The following DCT variants were observed in gnomAD, a reference collection of about 807,000 sequenced individuals.
The protein encoded by DCT is L-dopachrome tautomerase.
A neutral mutation model predicts 53.0 loss-of-function variants in DCT; 47 were observed. That is an observed-to-expected ratio of 0.89 (90% CI 0.70 to 1.13). The LOEUF (loss-of-function observed/expected upper bound fraction) is 1.13. Ranked by LOEUF, DCT falls within the 50% of genes most tolerant of loss-of-function variation. The probability of loss-of-function intolerance (pLI) is 0.00; values close to 1 mark genes in which losing one functional copy is unlikely to be tolerated. For synonymous variants in DCT, 244 were observed against 237.0 expected (o/e 1.03, Z -0.27); for missense variants, 669 against 637.4 (o/e 1.05, Z -0.53).
chr13:94,466,541 G>T lies in DCT; in HGVS notation c.696+17C>A, dbSNP rs1408732239. 3.3e-6 allele frequency: 5 copies of T among 1,528,942 alleles called. No homozygotes were observed. Among genetic ancestry groups the T allele is most frequent in the Non-Finnish European group, 4.5e-6 (5 of 1,123,526 alleles). The allele number at this position is 1,528,942 out of a possible 1,614,324, so 94.7% of individuals were successfully genotyped here. On this transcript the variant is annotated intron_variant, in intron 3 of 7. Coordinates refer to ENST00000377028, the MANE Select transcript of DCT (RefSeq NM_001922.5). ...TTTTAAAAAATTAAAAGAACTAAAT[G>T]CATAGTTTTGACCTACCTGGAGATC...
At chr13:94,481,057 C>A (rs1885421047), upstream of DCT, among the ~76,000 whole-genome samples, 1 of 152,328 alleles carries the variant, frequency 6.6e-6, no homozygotes, top group African/African-American at 2.4e-5. Context: ...AAGCTTCTGG[C>A]AGCTGCTGTC....
chr13:94,472,642 C>T lies in DCT; in HGVS notation c.296-3597G>A, dbSNP rs376457698. Among the ~76,000 whole-genome samples the T allele has an allele frequency of 1.1e-3, 142 of 124,850 alleles. 1 individual carries two copies. The highest frequency in any genetic ancestry group is 3.8e-3 in the African/African-American group (121 of 31,848). 81.9% of individuals were successfully genotyped at this position (124,850 alleles called of 152,430 possible). On this transcript the variant is annotated intron_variant, in intron 1 of 7. Transcript: ENST00000377028. ...TGTCACCCAGGCTGGAGTGCAGTGA[C>T]GTGATCTCAGCTCCCTGCAACAACC...
chr13:94,441,552 G>T (rs901769568), intron 7 of DCT, among the ~76,000 whole-genome samples: 18 of 152,044 alleles, frequency 1.2e-4, no homozygotes, highest in Admixed American at 1.1e-3. Flanking sequence ...GTAACCAGGG[G>T]TCTCTATGAA....
chr13:94,547,086 C>T, the DCT span, among the ~76,000 whole-genome samples: 2 of 151,466 alleles, frequency 1.3e-5, no homozygotes, highest in Non-Finnish European at 2.9e-5. Flanking sequence ...AGCCCTCTTC[C>T]AAGTGTACTT....
chr13:94,515,312 T>C, the DCT span, among the ~76,000 whole-genome samples: 1 of 152,196 alleles, frequency 6.6e-6, no homozygotes, highest in Non-Finnish European at 1.5e-5. Flanking sequence ...ACTGCTGCAA[T>C]AACCCAAGTA....
chr13:94,495,746 C>A, the DCT span, among the ~76,000 whole-genome samples: 1 of 152,268 alleles, frequency 6.6e-6, no homozygotes, highest in East Asian at 1.9e-4. Context: ...GATGTACTAT[C>A]TCAAAGGGAG....
the DCT span, among the ~76,000 whole-genome samples, chr13:94,521,869 T>C: frequency 6.6e-6 from 1 of 152,188 alleles, no homozygotes; most frequent in African/African-American, 2.4e-5. Flanking sequence ...TGCATTATTA[T>C]AAAAAGAAGC....
At chr13:94,470,259 G>C (rs908554421) in intron 1 of DCT, among the ~76,000 whole-genome samples, 1 of 152,200 alleles carries the variant, frequency 6.6e-6, no homozygotes, top group African/African-American at 2.4e-5. Flanking sequence ...TCCTCAGGGT[G>C]AATCAGTAGC....
chr13:94,528,819 A>AT, the DCT span, among the ~76,000 whole-genome samples: 61,266 of 151,164 alleles, frequency 0.41, 13,077 homozygotes, highest in East Asian at 0.62. Flanking sequence ...AATGGGCTAA[A>AT]GCCCCAATTA....
At chr13:94,465,920 T>G (rs145878399) in intron 3 of DCT, 121 bp from the exon 4 acceptor site, 1 of 421,450 alleles carries the variant, frequency 2.4e-6, no homozygotes, top group East Asian at 4.8e-5. Flanking sequence ...GACTACTGGA[T>G]GGATAAATGA....
intron 1 of DCT, among the ~76,000 whole-genome samples, chr13:94,472,515 TAC>T (rs1288676724): frequency 1.6e-4 from 8 of 50,616 alleles, no homozygotes; most frequent in African/African-American, 3.3e-4. Flanking sequence ...AATATATACA[TAC>T]ATACATATAT....
intron 1 of DCT, among the ~76,000 whole-genome samples, chr13:94,472,453 C>T (rs969528480): frequency 7.5e-6 from 1 of 133,560 alleles, no homozygotes; most frequent in African/African-American, 2.9e-5. Flanking sequence ...TTATAAAAAA[C>T]AAGCACATTA....
At chr13:94,468,431 A>C (rs1884373646) in intron 2 of DCT, 2 of 241,438 alleles carry the variant, frequency 8.3e-6, no homozygotes, top group Non-Finnish European at 1.6e-5. Context: ...TTCTTCTGAA[A>C]TCAAAAGGAA....
At chr13:94,472,539 TATATATATATATATATATATATATA>T (rs1884741368) in intron 1 of DCT, among the ~76,000 whole-genome samples, 2 of 25,732 alleles carry the variant, frequency 7.8e-5, no homozygotes, top group African/African-American at 3.7e-4. Flanking sequence ...TATATATATA[TATATATATATATATATATATATATA>T]TATATTTTTT....
At chr13:94,452,273 C>T (rs963975842) in intron 6 of DCT, among the ~76,000 whole-genome samples, 5 of 152,088 alleles carry the variant, frequency 3.3e-5, no homozygotes, top group Non-Finnish European at 4.4e-5. Context: ...CCTCAGGTAA[C>T]CCACCCACCT....
At chr13:94,446,488 TAGTG>T (rs562274557) in intron 6 of DCT, among the ~76,000 whole-genome samples, 165 of 152,328 alleles carry the variant, frequency 1.1e-3, no homozygotes, top group African/African-American at 3.1e-3. Context: ...ATAAGTAAAT[TAGTG>T]AGTATTTATT....
chr13:94,460,933 A>G (rs1016610673), intron 5 of DCT, among the ~76,000 whole-genome samples: 1 of 152,202 alleles, frequency 6.6e-6, no homozygotes, highest in Non-Finnish European at 1.5e-5. Flanking sequence ...CTGTGTTTAA[A>G]GTAGACAATT....
At position 94,465,644 on chromosome 13, in the gene DCT, A is replaced by T. The variant is rs1884127837; in HGVS notation, c.852T>A (p.Thr284=). The T allele has an allele frequency of 3.1e-6, 5 of 1,613,390 alleles. No homozygotes were observed. Among genetic ancestry groups the T allele is most frequent in the East Asian group, 2.2e-5 (1 of 44,764 alleles). ...SRNSRFSSWE[T]VCDSLDDYNH... is the part of the protein sequence containing the mutation. Reference sequence around the variant, plus strand: ...ACAGGAGCCATTACCTATCACAGACAGTTTCCCAGCTGGAGAATCTTGAGT... The same window carrying T: ...ACAGGAGCCATTACCTATCACAGACTGTTTCCCAGCTGGAGAATCTTGAGT... The change falls in exon 4 of 8, where the codon ACT becomes ACA. Residue 284 remains threonine, a synonymous_variant. Coordinates refer to ENST00000377028, the MANE Select transcript of DCT (RefSeq NM_001922.5).
At chr13:94,496,490 G>A in the DCT span, among the ~76,000 whole-genome samples, 6 of 151,968 alleles carry the variant, frequency 3.9e-5, no homozygotes, top group African/African-American at 9.7e-5. Context: ...CACCGCACCC[G>A]GCCGGATTCT....
Sources: gnomAD v4.1 joint callset for allele counts (sites outside exome capture counted in the v4.1 genomes callset) on GRCh38, gnomAD v4.1.1 for gene constraint, MANE v1.5 for transcripts, NCBI Gene and HGNC (gene_info 2026-07-23, HGNC 2026-07-21) for gene names.